Variants in APPL2 observed in about 807,000 individuals in gnomAD.
APPL2 encodes DCC-interacting protein 13-beta.
A neutral mutation model predicts 92.7 loss-of-function variants in APPL2; 84 were observed. The ratio of observed to expected loss-of-function variants is 0.91; its 90% confidence interval spans 0.76 to 1.09. The LOEUF is 1.09. Among genes scored for constraint, APPL2 ranks in the 50% least tolerant of loss-of-function variants. The probability of loss-of-function intolerance (pLI) is 0.00; values close to 1 mark genes in which losing one functional copy is unlikely to be tolerated. For missense variants in APPL2, 736 were observed against 824.5 expected (o/e 0.89, Z 1.31); for synonymous variants, 291 against 291.0 (o/e 1.00, Z 0.00).
intron 17 of APPL2, among the ~76,000 whole-genome samples, chr12:105,185,070 C>T (rs1465184383): frequency 2.0e-5 from 3 of 152,160 alleles, no homozygotes. Flanking sequence ...GGGAAAACCA[C>T]CTACTCAAGC....
chr12:105,212,669 G>A (rs1335776079), intron 4 of APPL2, among the ~76,000 whole-genome samples: 1 of 152,236 alleles, frequency 6.6e-6, no homozygotes, highest in Non-Finnish European at 1.5e-5. Flanking sequence ...TGGGATTCCT[G>A]CTGGGTGACT....
chr12:105,230,325 G>C (rs1592843793), intron 1 of APPL2, among the ~76,000 whole-genome samples: 1 of 152,274 alleles, frequency 6.6e-6, no homozygotes, highest in East Asian at 1.9e-4. Context: ...AAAAGCACTA[G>C]AGAAATATTT....
At chr12:105,184,306 C>T (rs1886395241) in intron 17 of APPL2, among the ~76,000 whole-genome samples, 1 of 152,190 alleles carries the variant, frequency 6.6e-6, no homozygotes, top group Non-Finnish European at 1.5e-5. Flanking sequence ...CCCTTGCTGG[C>T]AATGAGTTGT....
intron 17 of APPL2, among the ~76,000 whole-genome samples, chr12:105,187,571 A>ATGTCATCG (rs1313802803): frequency 2.6e-5 from 4 of 152,228 alleles, no homozygotes; most frequent in Non-Finnish European, 5.9e-5. Context: ...GAAGCCTTAT[A>ATGTCATCG]TGTCATCGAA....
At chr12:105,209,654 C>T (rs1375870916) in intron 5 of APPL2, among the ~76,000 whole-genome samples, 3 of 152,096 alleles carry the variant, frequency 2.0e-5, no homozygotes, top group Admixed American at 1.3e-4. Flanking sequence ...AGAGAAAACC[C>T]TTCAAAAAAA....
intron 10 of APPL2, among the ~76,000 whole-genome samples, chr12:105,198,856 A>G (rs1887891075): frequency 6.6e-6 from 1 of 152,254 alleles, no homozygotes; most frequent in African/African-American, 2.4e-5. Flanking sequence ...CACCATGACA[A>G]TATCCTCTCT....
chr12:105,186,667 T>TATATGATATCGATATCATTATATC (rs1886708024), intron 17 of APPL2, among the ~76,000 whole-genome samples: 19 of 33,148 alleles, frequency 5.7e-4, no homozygotes, highest in African/African-American at 1.3e-3. Context: ...ATATATATCA[T>TATATGATATCGATATCATTATATC]ATATATGATA....
chr12:105,216,256 G>GT (rs1314820339), intron 4 of APPL2, among the ~76,000 whole-genome samples: 4 of 152,084 alleles, frequency 2.6e-5, no homozygotes, highest in Non-Finnish European at 5.9e-5. Flanking sequence ...GCCCATGTCT[G>GT]TAACCCCAGC....
intron 20 of APPL2, 104 bp from the exon 21 acceptor site, chr12:105,174,552 C>T (rs910001612): frequency 1.0e-5 from 13 of 1,288,842 alleles, no homozygotes; most frequent in African/African-American, 1.5e-5. Context: ...TCTTGTTTCT[C>T]CTGACTCTTG....
rs2135862761 is a variant in APPL2 at position 105,174,173 on chromosome 12, T to C, written c.*141A>G. 1 of 1,013,544 alleles carries C rather than the reference T, an allele frequency of 9.9e-7. No homozygotes were observed. The highest frequency in any genetic ancestry group is 1.4e-6 in the Non-Finnish European group (1 of 714,834). 62.8% of individuals were successfully genotyped at this position (1,013,544 alleles called of 1,614,324 possible). A position where few individuals can be genotyped will look rare whatever the true frequency, so the allele number is the denominator to read the frequency against. On this transcript the variant is annotated 3_prime_UTR_variant, in exon 21 of 21. Coordinates refer to ENST00000258530, the MANE Select transcript of APPL2 (RefSeq NM_018171.5). ...TCTTAGTTTCCCTCCCAAGTCTCAGTATCAAGGCATCAAGATTACATTCCA... is the reference window on the plus strand; with the variant it reads ...TCTTAGTTTCCCTCCCAAGTCTCAGCATCAAGGCATCAAGATTACATTCCA...
At chr12:105,187,056 G>T (rs957759816) in intron 17 of APPL2, among the ~76,000 whole-genome samples, 4 of 151,946 alleles carry the variant, frequency 2.6e-5, no homozygotes, top group Non-Finnish European at 5.9e-5. Context: ...ATGTGCTGTG[G>T]TTTTTCACAG....
At chr12:105,206,993 C>T in intron 8 of APPL2, 68 bp downstream of exon 8, 1 of 1,554,024 alleles carries the variant, frequency 6.4e-7, no homozygotes, top group Non-Finnish European at 8.7e-7. Flanking sequence ...TCAGTGTCTC[C>T]TGCGTGCCCT....
chr12:105,190,132 A>C lies in APPL2; in HGVS notation c.1265T>G (p.Met422Arg). 3 of 1,613,948 alleles carry C rather than the reference A, an allele frequency of 1.9e-6. No homozygotes were observed. Among genetic ancestry groups the C allele is most frequent in the South Asian group, 1.1e-5 (1 of 91,066 alleles). ...CPSQNLKNSE[M>R]ENENDKIVPK... ...AACAATCTTGTCATTTTCATTTTCC[A>C]TCTCTGAATTTTTCAGGTTCTGGCT... Residue 422 changes from methionine (M) to arginine (R), a missense_variant, in exon 15 of 21, where the codon ATG becomes AGG. Physicochemically the swap from Met to Arg is moderately conservative, Grantham distance 91. Transcript: ENST00000258530.
In APPL2 at chr12:105,219,354, A is replaced by G. The variant is rs563307870; in HGVS notation, c.154-1629T>C. On this transcript the variant is annotated intron_variant, in intron 2 of 20. Coordinates refer to ENST00000258530, the MANE Select transcript of APPL2 (RefSeq NM_018171.5). ...AAACGTGGCTCTTTTTCCTCAGAAG[A>G]AAGTCAGACAAATACAACAAAAGTG... 1.6e-4 allele frequency among the ~76,000 whole-genome samples: 25 copies of G among 152,312 alleles called. 2 individuals carry two copies. In the South Asian group the frequency reaches 4.8e-3, roughly 29 times the overall value.
In APPL2 at chr12:105,195,639, G is replaced by A. The variant is rs779888034; in HGVS notation, c.1053-12C>T. The stretch of plus-strand genomic sequence containing the variant: ...GGAGGATTATTCCCCTGAAACAAAA[G>A]TGTCTAAGTAATTAAGTGCTTCCCT... On this transcript the variant is annotated splice_polypyrimidine_tract_variant and intron_variant, in intron 11 of 20. Coordinates refer to ENST00000258530, the MANE Select transcript of APPL2 (RefSeq NM_018171.5). 3.7e-6 allele frequency: 6 copies of A among 1,614,048 alleles called. No homozygotes were observed. The Admixed American group carries it at 6.7e-5, about 18-fold the overall frequency.
intron 17 of APPL2, among the ~76,000 whole-genome samples, chr12:105,186,669 T>TA (rs1566056386): frequency 6.2e-5 from 4 of 64,536 alleles, no homozygotes; most frequent in African/African-American, 2.2e-4. Context: ...ATATATCATA[T>TA]ATATGATATA....
chr12:105,182,190 G>A (rs531113404), intron 17 of APPL2, among the ~76,000 whole-genome samples: 8 of 152,200 alleles, frequency 5.3e-5, no homozygotes, highest in African/African-American at 1.7e-4. Context: ...ACCACACCTA[G>A]CAAATTTTTT....
chr12:105,197,879 G>C lies in APPL2; in HGVS notation c.938C>G (p.Pro313Arg), dbSNP rs748345640. 1.9e-5 allele frequency: 30 copies of C among 1,614,032 alleles called. No individual in the cohort carries two copies. Among genetic ancestry groups the C allele is most frequent in the Admixed American group, 1.0e-4 (6 of 60,006 alleles). Residue 313 changes from proline (P) to arginine (R), a missense_variant, in exon 11 of 21, where the codon CCC (proline) becomes CGC (arginine). Pro to Arg is a moderately radical substitution (Grantham distance 103, BLOSUM62 -2). Coordinates refer to ENST00000258530, the MANE Select transcript of APPL2 (RefSeq NM_018171.5). Reference protein sequence around the residue: ...FTQGGNLMCQPRGAVAGGLIQ... With the variant: ...FTQGGNLMCQRRGAVAGGLIQ... The stretch of plus-strand genomic sequence containing the variant: ...CAAACCTCCAGCCACGGCTCCCCTG[G>C]GCTGACACATGAGATTCCCGCCTTG...
rs538498752 is a variant in APPL2 at position 105,197,456 on chromosome 12, TTCTC to T, written c.1052+305_1052+308del. On this transcript the variant is annotated intron_variant, in intron 11 of 20. Transcript: ENST00000258530. ...CAACAGGCTAGGAGTAGCCACAGCC[TTCTC>T]TCTCTGAGAATCTATGCTAACAAGC... 3.9e-5 allele frequency among the ~76,000 whole-genome samples: 6 copies of T among 152,336 alleles called. No individual in the cohort carries two copies. The East Asian group carries it at 9.7e-4, about 25-fold the overall frequency.
Sources: gnomAD v4.1 joint callset for allele counts (sites outside exome capture counted in the v4.1 genomes callset) on GRCh38, gnomAD v4.1.1 for gene constraint, MANE v1.5 for transcripts, NCBI Gene and HGNC (gene_info 2026-07-23, HGNC 2026-07-21) for gene names.